The following DENND4C variants were observed in gnomAD, a reference collection of about 807,000 sequenced individuals.
DENND4C encodes the protein DENN domain-containing protein 4C.
Under a neutral mutation model 203.0 loss-of-function variants are expected in DENND4C, and 108 were observed. The ratio of observed to expected loss-of-function variants is 0.53; its 90% CI spans 0.46 to 0.62. The LOEUF is 0.62. Ranked by LOEUF, DENND4C falls within the 20% of genes least tolerant of loss-of-function variation. The probability of loss-of-function intolerance (pLI) is 0.00; values close to 1 mark genes in which losing one functional copy is unlikely to be tolerated. For missense variants in DENND4C, 2,481 were observed against 2,301.2 expected (o/e 1.08, Z -1.60); for synonymous variants, 871 against 792.4 (o/e 1.10, Z -1.67).
chr9:19,356,012 G>C (rs186159342), intron 26 of DENND4C, among the ~76,000 whole-genome samples: 2 of 151,860 alleles, frequency 1.3e-5, no homozygotes, highest in Non-Finnish European at 2.9e-5. Flanking sequence ...TTCAAATTGG[G>C]TATAAAGGAG....
At chr9:19,241,146 T>C (rs1444005640) in intron 1 of DENND4C, among the ~76,000 whole-genome samples, 1 of 152,212 alleles carries the variant, frequency 6.6e-6, no homozygotes, top group Non-Finnish European at 1.5e-5. Context: ...AGGATATTAC[T>C]GTGCCCTACT....
At chr9:19,334,520 T>G (rs1370722744) in intron 17 of DENND4C, among the ~76,000 whole-genome samples, 2 of 151,454 alleles carry the variant, frequency 1.3e-5, no homozygotes, top group Non-Finnish European at 2.9e-5. Flanking sequence ...TTTTTGGGTT[T>G]TTTTTTTTTT....
At chr9:19,288,790 T>G in intron 4 of DENND4C, 125 bp downstream of exon 4, 2 of 470,402 alleles carry the variant, frequency 4.3e-6, no homozygotes, top group Non-Finnish European at 6.8e-6. Context: ...TAAAATTATC[T>G]ATAATTTTAG....
chr9:19,342,897 G>A, intron 22 of DENND4C, 118 bp downstream of exon 22: 2 of 832,906 alleles, frequency 2.4e-6, no homozygotes, highest in Admixed American at 4.0e-5. Context: ...AGAGCCAGAA[G>A]GGACTTTTGA....
intron 30 of DENND4C, among the ~76,000 whole-genome samples, chr9:19,366,454 A>T (rs1057028654): frequency 3.3e-5 from 5 of 152,256 alleles, no homozygotes; most frequent in East Asian, 1.9e-4. Flanking sequence ...ATACAAAAAA[A>T]TTAGCCAGGC....
intron 1 of DENND4C, among the ~76,000 whole-genome samples, chr9:19,250,807 G>A (rs549489818): frequency 3.9e-5 from 6 of 152,286 alleles, no homozygotes; most frequent in African/African-American, 1.2e-4. Context: ...CATGTCTCAC[G>A]TCCAGGTCAC....
chr9:19,261,392 A>T (rs1301305667), intron 1 of DENND4C, among the ~76,000 whole-genome samples: 1 of 150,366 alleles, frequency 6.7e-6, no homozygotes, highest in South Asian at 2.1e-4. Context: ...TTTCTGTGGA[A>T]AATGTCATTG....
intron 10 of DENND4C, among the ~76,000 whole-genome samples, chr9:19,314,029 C>T (rs1166577672): frequency 6.6e-6 from 1 of 152,058 alleles, no homozygotes; most frequent in East Asian, 1.9e-4. Flanking sequence ...TTGCAGTGAG[C>T]TGAGATTGTG....
chr9:19,309,145 G>A (rs570266720), intron 10 of DENND4C, among the ~76,000 whole-genome samples: 4 of 152,092 alleles, frequency 2.6e-5, no homozygotes, highest in Non-Finnish European at 5.9e-5. Flanking sequence ...CTTGTAGGCC[G>A]GGAGTGGTGG....
At chr9:19,357,184 T>C in intron 27 of DENND4C, 30 bp downstream of exon 27, 4 of 1,609,084 alleles carry the variant, frequency 2.5e-6, no homozygotes, top group Non-Finnish European at 3.4e-6. Flanking sequence ...CCTCTTTATG[T>C]AGTAATAAAT....
At chr9:19,342,305 T>C (rs1821841285) in intron 21 of DENND4C, among the ~76,000 whole-genome samples, 1 of 152,142 alleles carries the variant, frequency 6.6e-6, no homozygotes, top group Non-Finnish European at 1.5e-5. Context: ...TGTTATTTAT[T>C]TTATACTCCA....
At chr9:19,240,450 G>A (rs1335435141) in intron 1 of DENND4C, among the ~76,000 whole-genome samples, 2 of 151,604 alleles carry the variant, frequency 1.3e-5, no homozygotes, top group African/African-American at 2.4e-5. Context: ...GGTGGATCAC[G>A]AGGTCAGGAG....
chr9:19,266,896 C>T (rs1408454848), intron 1 of DENND4C, among the ~76,000 whole-genome samples: 1 of 152,152 alleles, frequency 6.6e-6, no homozygotes, highest in Admixed American at 6.6e-5. Flanking sequence ...CTAGGCAGTA[C>T]CATTCAGGAC....
chr9:19,307,254 G>C (rs944845096), intron 10 of DENND4C, among the ~76,000 whole-genome samples: 13 of 151,764 alleles, frequency 8.6e-5, no homozygotes, highest in African/African-American at 2.9e-4. Flanking sequence ...AATTAGCTAG[G>C]AGTGGTGGTG....
At position 19,245,038 on chromosome 9, in the gene DENND4C, C is replaced by G. The variant is rs1421788524; in HGVS notation, c.-18+14205C>G. 1.3e-5 allele frequency among the ~76,000 whole-genome samples: 2 copies of G among 152,212 alleles called. 1 individual carries two copies. The highest frequency in any genetic ancestry group is 4.8e-5 in the African/African-American group (2 of 41,458). On this transcript the variant is annotated intron_variant, in intron 1 of 32. Coordinates refer to ENST00000434457, the MANE Select transcript of DENND4C (RefSeq NM_001330640.2). ...AGGTTTCTTTTCTAACCTACCTTAG[C>G]TGTCTGCATGCATAATCACACCCTA...
chr9:19,243,027 G>T lies in DENND4C; in HGVS notation c.-18+12194G>T, dbSNP rs561661857. Among the ~76,000 whole-genome samples, 62 of 152,148 alleles carry T rather than the reference G, an allele frequency of 4.1e-4. 1 individual carries two copies. The South Asian group carries it at 0.011, about 28-fold the overall frequency. ...CCATAAAATTCACCAATTTAAAGGG[G>T]GGTATCTTGATGTTTTCCAGTAGAT... is the stretch of plus-strand genomic sequence containing the variant. On this transcript the variant is annotated intron_variant, in intron 1 of 32. Coordinates refer to ENST00000434457, the MANE Select transcript of DENND4C (RefSeq NM_001330640.2).
intron 9 of DENND4C, among the ~76,000 whole-genome samples, chr9:19,304,277 C>T (rs545127726): frequency 1.3e-5 from 2 of 151,138 alleles, no homozygotes; most frequent in South Asian, 2.1e-4. Context: ...CTCTGCCTCC[C>T]GGGTTCAAGC....
intron 20 of DENND4C, among the ~76,000 whole-genome samples, chr9:19,339,122 G>C (rs1821084762): frequency 6.6e-6 from 1 of 151,986 alleles, no homozygotes; most frequent in African/African-American, 2.4e-5. Flanking sequence ...TTTTCATTCT[G>C]CATGCATGCA....
chr9:19,289,030 A>G (rs552693625), intron 4 of DENND4C, among the ~76,000 whole-genome samples: 1 of 152,166 alleles, frequency 6.6e-6, no homozygotes, highest in Non-Finnish European at 1.5e-5. Context: ...TTTACTTCTT[A>G]TATTTCCTTC....
Sources: allele counts gnomAD v4.1 joint callset (sites outside exome capture counted in the v4.1 genomes callset), GRCh38; gene constraint gnomAD v4.1.1; transcripts MANE v1.5; gene names NCBI Gene and HGNC (gene_info 2026-07-23, HGNC 2026-07-21).